The following CARNMT1 variants were observed in gnomAD, a reference collection of about 807,000 sequenced individuals.
CARNMT1 encodes protein-L-histidine N-pros-methyltransferase CARNMT1.
Under a neutral mutation model 49.6 loss-of-function variants are expected in CARNMT1, and 28 were observed. The observed-to-expected ratio is 0.56, with a 90% CI of 0.42 to 0.77. The LOEUF is 0.77. Ranked by LOEUF, CARNMT1 falls within the 30% of genes least tolerant of loss-of-function variation. The pLI, the probability that CARNMT1 is intolerant of heterozygous loss-of-function variation, is 0.00. For synonymous variants in CARNMT1, 178 were observed against 175.0 expected (o/e 1.02, Z -0.13); for missense variants, 421 against 512.6 (o/e 0.82, Z 1.73).
chr9:75,000,599 A>G lies in CARNMT1; in HGVS notation c.591-729T>C, dbSNP rs372791906. Among the ~76,000 whole-genome samples the G allele has an allele frequency of 8.5e-5, 13 of 152,278 alleles. 1 individual carries two copies. The highest frequency in any genetic ancestry group is 3.1e-4 in the African/African-American group (13 of 41,554). On this transcript the variant is annotated intron_variant, in intron 3 of 7. Transcript: ENST00000376834. ...TACCAAAACAAGGCTTTTTCTCAGG[A>G]ATTTTGGCAAATCAATATAATCCCG...
intron 3 of CARNMT1, among the ~76,000 whole-genome samples, chr9:75,003,344 C>T (rs571206111): frequency 5.9e-5 from 9 of 152,214 alleles, no homozygotes; most frequent in South Asian, 2.1e-4. Context: ...CTTCACTTCG[C>T]GTCATTCACT....
intron 3 of CARNMT1, among the ~76,000 whole-genome samples, chr9:75,002,302 A>T (rs1052061413): frequency 1.3e-5 from 2 of 152,224 alleles, no homozygotes; most frequent in African/African-American, 4.8e-5. Flanking sequence ...TAAAACTCCA[A>T]CACAAAATGC....
chr9:75,012,010 C>T (rs1383539902), intron 3 of CARNMT1, among the ~76,000 whole-genome samples: 1 of 152,168 alleles, frequency 6.6e-6, no homozygotes, highest in Non-Finnish European at 1.5e-5. Flanking sequence ...AAGCCAAGCC[C>T]AGACTCCTGA....
chr9:75,014,020 TAAAAAA>T (rs56029312), intron 3 of CARNMT1, among the ~76,000 whole-genome samples: 1 of 67,380 alleles, frequency 1.5e-5, no homozygotes, highest in Non-Finnish European at 2.6e-5. Flanking sequence ...TCCACTTACT[TAAAAAA>T]AAAAAAAAAA....
At chr9:74,991,334 G>A (rs1833005490) in intron 6 of CARNMT1, 1 of 152,154 alleles carries the variant, frequency 6.6e-6, no homozygotes. Flanking sequence ...GTAGAGACGG[G>A]GTTTCACCAT....
At chr9:75,027,212 C>T (rs1214234249) in intron 1 of CARNMT1, 1 of 1,088,766 alleles carries the variant, frequency 9.2e-7, no homozygotes, top group East Asian at 5.9e-5. Context: ...TGTGATTAAG[C>T]TACTTTAACA....
chr9:75,004,067 G>A (rs551238761), intron 3 of CARNMT1, among the ~76,000 whole-genome samples: 1 of 152,306 alleles, frequency 6.6e-6, no homozygotes, highest in African/African-American at 2.4e-5. Context: ...GTAGAGACAG[G>A]TTTCACCATG....
At chr9:74,996,622 A>G in intron 5 of CARNMT1, 62 bp from the exon 6 acceptor site, 1 of 923,918 alleles carries the variant, frequency 1.1e-6, no homozygotes, top group East Asian at 2.5e-5. Context: ...CTTTTAATTA[A>G]TTATTTAAAT....
chr9:75,018,036 A>G (rs1833901051), intron 1 of CARNMT1, among the ~76,000 whole-genome samples: 1 of 152,176 alleles, frequency 6.6e-6, no homozygotes, highest in Admixed American at 6.6e-5. Flanking sequence ...ACCAGAAAAT[A>G]GAACATAATT....
At chr9:75,020,856 A>AC (rs1241600498) in intron 1 of CARNMT1, among the ~76,000 whole-genome samples, 1 of 152,174 alleles carries the variant, frequency 6.6e-6, no homozygotes, top group East Asian at 1.9e-4. Flanking sequence ...GAGTATAATA[A>AC]TGAGCTTTGA....
At chr9:74,985,777 A>C (rs978956937) in intron 6 of CARNMT1, among the ~76,000 whole-genome samples, 1 of 152,142 alleles carries the variant, frequency 6.6e-6, no homozygotes, top group Admixed American at 6.6e-5. Flanking sequence ...ACAGCGTTTC[A>C]CCATGTTGGC....
rs1471377364 is a variant in CARNMT1 at position 74,983,247 on chromosome 9, T to G, written c.*520A>C. 1 of 114,352 alleles carries G rather than the reference T, an allele frequency of 8.7e-6. No individual in the cohort carries two copies. Among genetic ancestry groups the G allele is most frequent in the African/African-American group, 3.0e-5 (1 of 33,892 alleles). The allele number at this position is 114,352 out of a possible 1,614,324, so 7.1% of individuals were successfully genotyped here. A position where few individuals can be genotyped will look rare whatever the true frequency, so the allele number is the denominator to read the frequency against. Reference sequence around the variant, plus strand: ...GGGAGACAGAGCGGGATCCTGTCTCTGAAGAAAAAAAAAAAAAAAGACATA... The same window carrying G: ...GGGAGACAGAGCGGGATCCTGTCTCGGAAGAAAAAAAAAAAAAAAGACATA... On this transcript the variant is annotated 3_prime_UTR_variant, in exon 8 of 8. Transcript: ENST00000376834.
At chr9:75,006,742 AC>A (rs1833521913) in intron 3 of CARNMT1, among the ~76,000 whole-genome samples, 1 of 152,166 alleles carries the variant, frequency 6.6e-6, no homozygotes, top group Non-Finnish European at 1.5e-5. Flanking sequence ...GTTATTCAGA[AC>A]GGTTTTAAAT....
In CARNMT1 at chr9:75,017,442, A is replaced by G; in HGVS notation, c.237T>C (p.Ser79=). 1 of 1,613,184 alleles carries G rather than the reference A, an allele frequency of 6.2e-7. No homozygotes were observed. Among genetic ancestry groups the G allele is most frequent in the Non-Finnish European group, 8.5e-7 (1 of 1,179,592 alleles). ...CTGTTCGGTTCACCCGCTCATGCAT[A>G]CTGGTGCTAAAACATAAAAGGTGTT... The part of the protein sequence containing the change: ...IINAFRYYGT[S]MHERVNRTER... Residue 79 remains serine, a synonymous_variant, in exon 2 of 8, where the codon AGT becomes AGC. Coordinates refer to ENST00000376834, the MANE Select transcript of CARNMT1 (RefSeq NM_152420.3).
At chr9:75,014,543 G>A (rs1833789141) in intron 3 of CARNMT1, among the ~76,000 whole-genome samples, 1 of 152,160 alleles carries the variant, frequency 6.6e-6, no homozygotes, top group Admixed American at 6.5e-5. Context: ...GGGAAAGAGG[G>A]AGGGAGGGAA....
At chr9:75,006,603 C>T (rs1471892513) in intron 3 of CARNMT1, among the ~76,000 whole-genome samples, 1 of 152,074 alleles carries the variant, frequency 6.6e-6, no homozygotes, top group East Asian at 1.9e-4. Context: ...TATACCTATC[C>T]ACTTTTATAA....
rs1832699671 is a variant in CARNMT1, at chr9:74,981,817, A to T, written c.*1950T>A. On this transcript the variant is annotated 3_prime_UTR_variant, in exon 8 of 8. Coordinates refer to ENST00000376834, the MANE Select transcript of CARNMT1 (RefSeq NM_152420.3). ...AGTGAATAAAAAGCATGTCTAAGCCATTGAAAAACAGCATGCATTCCTTTC... is the reference window on the plus strand; with the variant it reads ...AGTGAATAAAAAGCATGTCTAAGCCTTTGAAAAACAGCATGCATTCCTTTC... The T allele has an allele frequency of 6.6e-6, 1 of 152,120 alleles. No individual in the cohort carries two copies. The highest frequency in any genetic ancestry group is 6.5e-5 in the Admixed American group (1 of 15,268). The allele number at this position is 152,120 out of a possible 1,614,324, so 9.4% of individuals were successfully genotyped here.
At chr9:74,999,587 G>A (rs1450600321) in intron 4 of CARNMT1, 143 bp downstream of exon 4, 2 of 678,910 alleles carry the variant, frequency 2.9e-6, no homozygotes, top group African/African-American at 3.7e-5. Flanking sequence ...TAAGTACTTT[G>A]ATTTTAACAT....
rs574775670 is a variant in CARNMT1, at chr9:75,027,309, G to A, written c.230+703C>T. 4.4e-6 allele frequency: 3 copies of A among 683,944 alleles called. No individual in the cohort carries two copies. The South Asian group carries it at 2.0e-4, about 45-fold the overall frequency. 42.4% of individuals were successfully genotyped at this position (683,944 alleles called of 1,614,324 possible). ...CTACCACAGTGCCTAGCACACCAGG[G>A]AGAATTAGATACAGATTTGCAGAAA... is the stretch of plus-strand genomic sequence containing the variant. On this transcript the variant is annotated intron_variant, in intron 1 of 7. Coordinates refer to ENST00000376834, the MANE Select transcript of CARNMT1 (RefSeq NM_152420.3).
Sources: gnomAD v4.1 joint callset for allele counts (sites outside exome capture counted in the v4.1 genomes callset) on GRCh38, gnomAD v4.1.1 for gene constraint, MANE v1.5 for transcripts, NCBI Gene and HGNC (gene_info 2026-07-23, HGNC 2026-07-21) for gene names.